The following PCCA variants were observed in gnomAD, a reference collection of about 807,000 sequenced individuals.
PCCA encodes the protein propionyl-CoA carboxylase alpha chain, mitochondrial.
PCCA carries 74 observed loss-of-function variants against 101.3 expected under a neutral mutation model. The ratio of observed to expected loss-of-function variants is 0.73; its 90% confidence interval spans 0.61 to 0.89. PCCA has a LOEUF of 0.89. PCCA is among the 40% of genes least tolerant of loss of function. The pLI, the probability that PCCA is intolerant of heterozygous loss-of-function variation, is 0.00. For missense variants in PCCA, 891 were observed against 907.0 expected, an observed-to-expected ratio of 0.98 and a Z score of 0.23; for synonymous variants, 294 against 313.6, an observed-to-expected ratio of 0.94 and a Z score of 0.66.
In PCCA at chr13:100,118,881, TAAC is replaced by T. The variant is rs200574218; in HGVS notation, c.300+6823_300+6825del. The stretch of plus-strand genomic sequence containing the variant: ...GTTATTTTTTTTAATAGTAATATCA[TAAC>T]AAGAGGTTCTTAATGTTGAATTGTT... On this transcript the variant is annotated intron_variant, in intron 4 of 23. Coordinates refer to ENST00000376285, the MANE Select transcript of PCCA (RefSeq NM_000282.4). 4.4e-3 allele frequency among the ~76,000 whole-genome samples: 673 copies of T among 152,282 alleles called. 5 individuals are homozygous for T. Among genetic ancestry groups the T allele is most frequent in the African/African-American group, 0.016 (652 of 41,558 alleles).
chr13:100,249,296 A>T (rs1278489016), intron 8 of PCCA, among the ~76,000 whole-genome samples: 3 of 152,206 alleles, frequency 2.0e-5, no homozygotes, highest in Non-Finnish European at 4.4e-5. Flanking sequence ...TTGTGGCAAG[A>T]TTAATTTTCT....
In PCCA at chr13:100,301,562, C is replaced by T. The variant is rs199969765; in HGVS notation, c.1168C>T (p.Arg390Cys). ...TCTCAGGCACAAACAAGCTGATATTCGCATCAACGGCTGGGCAGTTGAATG... is the reference window on the plus strand; with the variant it reads ...TCTCAGGCACAAACAAGCTGATATTTGCATCAACGGCTGGGCAGTTGAATG... ...YPLRHKQADIRINGWAVECRV... is the reference protein window; with the variant it reads ...YPLRHKQADICINGWAVECRV... The change falls in exon 13 of 24, where the codon CGC becomes TGC. Residue 390 changes from arginine (R) to cysteine (C), a missense_variant. Coordinates refer to ENST00000376285, the MANE Select transcript of PCCA (RefSeq NM_000282.4). 5.8e-5 allele frequency: 93 copies of T among 1,613,978 alleles called. No individual in the cohort carries two copies. Among genetic ancestry groups the T allele is most frequent in the East Asian group, 2.0e-4 (9 of 44,864 alleles).
At chr13:100,352,967 T>G (rs576062392) in intron 18 of PCCA, among the ~76,000 whole-genome samples, 1 of 152,304 alleles carries the variant, frequency 6.6e-6, no homozygotes, top group African/African-American at 2.4e-5. Context: ...TCCTTACGCC[T>G]CAGCCTTCCA....
In PCCA at chr13:100,383,104, C is replaced by T. The variant is rs372018172; in HGVS notation, c.1746+14530C>T. On this transcript the variant is annotated intron_variant, in intron 19 of 23. Transcript: ENST00000376285. Reference sequence around the variant, plus strand: ...GAATGTGGTAGCATGGGGGAGAGCACCTCAGTCCCCCAAGTAGCTGAGACT... The same window carrying T: ...GAATGTGGTAGCATGGGGGAGAGCATCTCAGTCCCCCAAGTAGCTGAGACT... Among the ~76,000 whole-genome samples the T allele has an allele frequency of 9.4e-4, 143 of 152,020 alleles. 1 individual carries two copies. The highest frequency in any genetic ancestry group is 3.3e-3 in the African/African-American group (135 of 41,480).
intron 6 of PCCA, among the ~76,000 whole-genome samples, chr13:100,172,339 T>A (rs1030478612): frequency 1.4e-4 from 21 of 152,346 alleles, no homozygotes; most frequent in East Asian, 5.8e-4. Context: ...TAGTTTTTTT[T>A]AAAAACAAAT....
At chr13:100,226,664 G>A (rs955075448) in intron 7 of PCCA, among the ~76,000 whole-genome samples, 3 of 152,124 alleles carry the variant, frequency 2.0e-5, no homozygotes, top group Admixed American at 6.5e-5. Flanking sequence ...GTATTGTAGC[G>A]CCAGGGTTAG....
chr13:100,090,214 G>A (rs1277784056), intron 1 of PCCA, among the ~76,000 whole-genome samples: 1 of 152,190 alleles, frequency 6.6e-6, no homozygotes, highest in South Asian at 2.1e-4. Context: ...TAAAGAGGAG[G>A]GAACCGAGCC....
intron 21 of PCCA, among the ~76,000 whole-genome samples, chr13:100,496,676 G>C (rs923319160): frequency 4.6e-5 from 7 of 152,158 alleles, no homozygotes; most frequent in African/African-American, 1.7e-4. Flanking sequence ...GAAATAGACA[G>C]TTAAGCTGGT....
At chr13:100,358,304 A>G (rs182440412) in intron 18 of PCCA, among the ~76,000 whole-genome samples, 17 of 152,346 alleles carry the variant, frequency 1.1e-4, no homozygotes, top group African/African-American at 3.8e-4. Context: ...GTCTGACAAC[A>G]TCTCCACAAT....
intron 4 of PCCA, among the ~76,000 whole-genome samples, chr13:100,119,651 T>G (rs1333564121): frequency 6.6e-6 from 1 of 152,072 alleles, no homozygotes; most frequent in African/African-American, 2.4e-5. Flanking sequence ...ATCCTCTCTA[T>G]TTCGTAGGTT....
At chr13:100,262,254 G>A (rs529849496) in intron 9 of PCCA, among the ~76,000 whole-genome samples, 8 of 152,054 alleles carry the variant, frequency 5.3e-5, no homozygotes, top group Non-Finnish European at 1.0e-4. Context: ...TTAGCCGGGC[G>A]TGGTGGCACA....
At chr13:100,492,633 T>C (rs1366513300) in intron 21 of PCCA, among the ~76,000 whole-genome samples, 2 of 151,596 alleles carry the variant, frequency 1.3e-5, no homozygotes, top group Non-Finnish European at 2.9e-5. Flanking sequence ...TCCGGAGCCC[T>C]AAATGGGAAC....
At chr13:100,111,820 A>T (rs2048347705) in intron 2 of PCCA, 21 bp from the exon 3 acceptor site, 1 of 1,563,518 alleles carries the variant, frequency 6.4e-7, no homozygotes, top group South Asian at 1.1e-5. Context: ...TTTCTAATGA[A>T]TGTGTTTTTT....
rs189896891 is a variant in PCCA, at chr13:100,197,476, G to A, written c.469-11856G>A. ...ATTTTATTTTTTGAGACAGAGTGTC[G>A]CTTTGTCACCCAGGCTGGAGCACAG... On this transcript the variant is annotated intron_variant, in intron 6 of 23. Coordinates refer to ENST00000376285, the MANE Select transcript of PCCA (RefSeq NM_000282.4). Among the ~76,000 whole-genome samples the A allele has an allele frequency of 1.5e-4, 23 of 152,066 alleles. No individual in the cohort carries two copies. The East Asian group carries it at 2.3e-3, about 15-fold the overall frequency.
chr13:100,139,606 T>C (rs2051616483), intron 4 of PCCA, among the ~76,000 whole-genome samples: 1 of 152,148 alleles, frequency 6.6e-6, no homozygotes. Context: ...GTTTCTTTTC[T>C]GATACTTTCA....
In PCCA at chr13:100,397,873, A is replaced by G. The variant is rs369701891; in HGVS notation, c.1747-27760A>G. ...GCACAATCTTCTGTTGTAAATAACC[A>G]TAGACAAACTTGTGAGCAGCTACCA... On this transcript the variant is annotated intron_variant, in intron 19 of 23. Coordinates refer to ENST00000376285, the MANE Select transcript of PCCA (RefSeq NM_000282.4). Among the ~76,000 whole-genome samples the G allele has an allele frequency of 1.1e-3, 165 of 152,346 alleles. 6 individuals are homozygous for G. The South Asian group carries it at 0.031, about 29-fold the overall frequency.
chr13:100,113,371 G>C (rs9554668), intron 4 of PCCA, among the ~76,000 whole-genome samples: 43,461 of 151,942 alleles, frequency 0.29, 7,217 homozygotes, highest in East Asian at 0.69. Context: ...GAGCTTGCAG[G>C]ACTGGAAGCT....
intron 4 of PCCA, among the ~76,000 whole-genome samples, chr13:100,139,115 T>C (rs189675026): frequency 1.3e-5 from 2 of 152,180 alleles, no homozygotes; most frequent in African/African-American, 4.8e-5. Context: ...CCATAGTAGT[T>C]TGAGTATCAT....
chr13:100,105,669 A>AC (rs1566477072), intron 2 of PCCA, among the ~76,000 whole-genome samples: 2 of 149,392 alleles, frequency 1.3e-5, no homozygotes, highest in Non-Finnish European at 3.0e-5. Flanking sequence ...AAAAAAAAAA[A>AC]AAAAAAAAAA....
Sources: allele counts gnomAD v4.1 joint callset (sites outside exome capture counted in the v4.1 genomes callset), GRCh38; gene constraint gnomAD v4.1.1; transcripts MANE v1.5; gene names NCBI Gene and HGNC (gene_info 2026-07-23, HGNC 2026-07-21).